Variants in GFRA1 observed in about 807,000 individuals in gnomAD.
GFRA1 encodes GDNF family receptor alpha-1.
GFRA1 carries 16 observed loss-of-function variants against 51.6 expected under a neutral mutation model. The ratio of observed to expected loss-of-function variants is 0.31; its 90% CI spans 0.21 to 0.47. The LOEUF (loss-of-function observed/expected upper bound fraction) is 0.47. GFRA1 is among the 20% of genes least tolerant of loss of function. The pLI, the probability that GFRA1 is intolerant of heterozygous loss-of-function variation, is 1.00. For synonymous variants in GFRA1, 270 were observed against 241.3 expected (o/e 1.12, Z -1.10); for missense variants, 530 against 594.3 (o/e 0.89, Z 1.13).
intron 9 of GFRA1, among the ~76,000 whole-genome samples, chr10:116,080,058 T>C (rs1315110159): frequency 6.6e-6 from 1 of 152,158 alleles, no homozygotes; most frequent in East Asian, 1.9e-4. Flanking sequence ...AGCCTGATCC[T>C]TAAGGGCACT....
intron 3 of GFRA1, among the ~76,000 whole-genome samples, chr10:116,270,464 T>C (rs1843812081): frequency 6.6e-6 from 1 of 152,206 alleles, no homozygotes; most frequent in African/African-American, 2.4e-5. Flanking sequence ...CTATTATTAT[T>C]GAGAGGCCAG....
intron 5 of GFRA1, among the ~76,000 whole-genome samples, chr10:116,164,203 A>T (rs1051764682): frequency 1.3e-5 from 2 of 151,814 alleles, no homozygotes; most frequent in East Asian, 3.9e-4. Context: ...TCATACCCGA[A>T]CTCCTCATTG....
intron 10 of GFRA1, among the ~76,000 whole-genome samples, chr10:116,064,916 T>C (rs1044624501): frequency 1.3e-5 from 2 of 152,136 alleles, no homozygotes; most frequent in African/African-American, 4.8e-5. Context: ...GAGCAGCCTC[T>C]CCCTGCATGA....
chr10:116,149,018 A>G (rs539180844), intron 5 of GFRA1, among the ~76,000 whole-genome samples: 1 of 135,112 alleles, frequency 7.4e-6, no homozygotes, highest in South Asian at 2.7e-4. Context: ...CTGGCTGGAC[A>G]CTGTCACCTC....
At chr10:116,174,760 C>A (rs1404382776) in intron 5 of GFRA1, among the ~76,000 whole-genome samples, 1 of 152,058 alleles carries the variant, frequency 6.6e-6, no homozygotes, top group Non-Finnish European at 1.5e-5. Context: ...AGGTTATGCA[C>A]CAGTGCTAAT....
chr10:116,062,356 A>G lies in GFRA1; in HGVS notation c.*2042T>C, dbSNP rs545864247. 4 of 380,912 alleles carry G rather than the reference A, an allele frequency of 1.1e-5. No homozygotes were observed. Among genetic ancestry groups the G allele is most frequent in the Non-Finnish European group, 1.9e-5 (4 of 215,528 alleles). The allele number at this position is 380,912 out of a possible 1,614,324, so 23.6% of individuals were successfully genotyped here. On this transcript the variant is annotated 3_prime_UTR_variant, in exon 11 of 11. Transcript: ENST00000355422. ...TTACTTAATGTGTTTATTCAAAGTAAGAGTCTTTATAGATCTTTTCACTAA... is the reference window on the plus strand; with the variant it reads ...TTACTTAATGTGTTTATTCAAAGTAGGAGTCTTTATAGATCTTTTCACTAA...
At chr10:116,203,513 G>A (rs140377573) in intron 5 of GFRA1, among the ~76,000 whole-genome samples, 2 of 152,166 alleles carry the variant, frequency 1.3e-5, no homozygotes, top group Non-Finnish European at 2.9e-5. Context: ...TGGCTGGAGG[G>A]GACTGTGCAC....
intron 5 of GFRA1, among the ~76,000 whole-genome samples, chr10:116,180,672 T>C (rs1045007694): frequency 4.6e-5 from 7 of 152,220 alleles, no homozygotes; most frequent in Non-Finnish European, 1.0e-4. Flanking sequence ...TGCCTGTTTC[T>C]AGGTTCCTTC....
At chr10:116,194,051 T>A (rs2438178) in intron 5 of GFRA1, among the ~76,000 whole-genome samples, 2,067 of 61,766 alleles carry the variant, frequency 0.033, 50 homozygotes, top group African/African-American at 0.087. Flanking sequence ...TAAAAAAAAA[T>A]AAATAAATAA....
intron 5 of GFRA1, among the ~76,000 whole-genome samples, chr10:116,166,094 C>T (rs1469572263): frequency 6.6e-6 from 1 of 152,198 alleles, no homozygotes; most frequent in East Asian, 1.9e-4. Context: ...TAATGGCCTC[C>T]AGCTCCATCC....
chr10:116,250,767 G>A (rs1180760529), intron 4 of GFRA1, among the ~76,000 whole-genome samples: 1 of 152,182 alleles, frequency 6.6e-6, no homozygotes, highest in Non-Finnish European at 1.5e-5. Flanking sequence ...GGTGTCCTCA[G>A]GACCCCTGGC....
chr10:116,265,378 C>T (rs1017520290), intron 4 of GFRA1, among the ~76,000 whole-genome samples: 2 of 152,186 alleles, frequency 1.3e-5, no homozygotes, highest in African/African-American at 4.8e-5. Context: ...CATCTCCTGA[C>T]TTCTCTACAA....
At chr10:116,265,777 G>A (rs1008278063) in intron 4 of GFRA1, among the ~76,000 whole-genome samples, 5 of 151,982 alleles carry the variant, frequency 3.3e-5, no homozygotes, top group African/African-American at 4.8e-5. Context: ...CCTCTCCTCC[G>A]ACATCCTCTT....
At chr10:116,202,297 G>A (rs1399714495) in intron 5 of GFRA1, among the ~76,000 whole-genome samples, 1 of 152,166 alleles carries the variant, frequency 6.6e-6, no homozygotes, top group East Asian at 1.9e-4. Flanking sequence ...CCAGCAGAAA[G>A]GATTTGGGCT....
intron 5 of GFRA1, among the ~76,000 whole-genome samples, chr10:116,142,831 A>G (rs2134099339): frequency 6.6e-6 from 1 of 152,320 alleles, no homozygotes; most frequent in Non-Finnish European, 1.5e-5. Context: ...CTTTAAGCTA[A>G]ATGAGGTGCA....
intron 5 of GFRA1, among the ~76,000 whole-genome samples, chr10:116,142,548 T>A (rs991051734): frequency 6.6e-6 from 1 of 152,196 alleles, no homozygotes. Flanking sequence ...AAAGTAGAAA[T>A]GTGTCCCCAC....
intron 5 of GFRA1, among the ~76,000 whole-genome samples, chr10:116,133,391 A>C (rs1380638031): frequency 6.6e-6 from 1 of 152,012 alleles, no homozygotes; most frequent in African/African-American, 2.4e-5. Context: ...TATAACATTC[A>C]TGGCAACCGA....
At position 116,270,879 on chromosome 10, in the gene GFRA1, T is replaced by C. The variant is rs1284749619; in HGVS notation, c.277A>G (p.Met93Val). The C allele has an allele frequency of 1.9e-6, 3 of 1,614,028 alleles. No individual in the cohort carries two copies. Among genetic ancestry groups the C allele is most frequent in the African/African-American group, 1.3e-5 (1 of 75,074 alleles). ...CGCAGGCAGTTCTTCTCCTTCTTCA[T>C]ACCCCGCTTGCAGCGGCAGTTGTAG... ...SLYNCRCKRG[M>V]KKEKNCLRIY... Residue 93 changes from methionine (M) to valine (V), a missense_variant, in exon 3 of 11, where the codon ATG becomes GTG. Met to Val is a conservative substitution (Grantham distance 21, BLOSUM62 1). Coordinates refer to ENST00000355422, the MANE Select transcript of GFRA1 (RefSeq NM_005264.8).
At chr10:116,199,721 T>TC (rs377605124) in intron 5 of GFRA1, among the ~76,000 whole-genome samples, 1 of 152,256 alleles carries the variant, frequency 6.6e-6, no homozygotes, top group Non-Finnish European at 1.5e-5. Flanking sequence ...TCATTTTTTT[T>TC]CCTTTTAGAG....
Sources: gnomAD v4.1 joint callset for allele counts (sites outside exome capture counted in the v4.1 genomes callset) on GRCh38, gnomAD v4.1.1 for gene constraint, MANE v1.5 for transcripts, NCBI Gene and HGNC (gene_info 2026-07-23, HGNC 2026-07-21) for gene names.